Variants in CTNNBL1 observed in about 807,000 individuals in gnomAD.
The protein encoded by CTNNBL1 is beta-catenin-like protein 1.
A neutral mutation model predicts 72.7 loss-of-function variants in CTNNBL1; 31 were observed. The ratio of observed to expected loss-of-function variants is 0.43; its 90% confidence interval spans 0.32 to 0.58. The LOEUF (loss-of-function observed/expected upper bound fraction) is 0.58, where lower values mean the gene tolerates loss of function less well. Among genes scored for constraint, CTNNBL1 ranks in the 20% least tolerant of loss-of-function variants. The pLI is 0.08. For missense variants in CTNNBL1, 534 were observed against 725.1 expected, an observed-to-expected ratio of 0.74 and a Z score of 3.03; for synonymous variants, 240 against 267.3, an observed-to-expected ratio of 0.90 and a Z score of 1.00.
intron 11 of CTNNBL1, chr20:37,832,438 ATT>A (rs2072217383): frequency 6.6e-6 from 1 of 152,198 alleles, no homozygotes; most frequent in African/African-American, 2.4e-5. Flanking sequence ...CACATACCTC[ATT>A]TGAAAGAATG....
chr20:37,812,334 G>A (rs1017945346), intron 11 of CTNNBL1, among the ~76,000 whole-genome samples: 1 of 152,136 alleles, frequency 6.6e-6, no homozygotes, highest in African/African-American at 2.4e-5. Flanking sequence ...TTTACATATA[G>A]GATATAAACC....
chr20:37,820,210 A>T (rs2072094015), intron 11 of CTNNBL1, among the ~76,000 whole-genome samples: 1 of 152,036 alleles, frequency 6.6e-6, no homozygotes, highest in Non-Finnish European at 1.5e-5. Flanking sequence ...TTCTGTGTTG[A>T]TACTGGTTTC....
intron 6 of CTNNBL1, among the ~76,000 whole-genome samples, chr20:37,767,095 C>T (rs1310604429): frequency 1.3e-5 from 2 of 151,988 alleles, no homozygotes; most frequent in Non-Finnish European, 2.9e-5. Context: ...GTGATTTCTT[C>T]AGCCCTTTCT....
At position 37,733,053 on chromosome 20, in the gene CTNNBL1, G is replaced by C. The variant is rs748650840; in HGVS notation, c.205G>C (p.Glu69Gln). 4 of 1,612,440 alleles carry C rather than the reference G, an allele frequency of 2.5e-6. No individual in the cohort carries two copies. Among genetic ancestry groups the C allele is most frequent in the Non-Finnish European group, 3.4e-6 (4 of 1,179,490 alleles). The change falls in exon 2 of 16, where the codon GAG becomes CAG. Residue 69 changes from glutamate (E) to glutamine (Q), a missense_variant. Physicochemically the swap from Glu to Gln is conservative, Grantham distance 29 (BLOSUM62 2). Transcript: ENST00000361383. ...GCAGATTATTGACAGAGATGGGGAA[G>C]AGGAAGAGGAAGAGGTAACGTGGCA... is the stretch of plus-strand genomic sequence containing the variant. ...LLQIIDRDGE[E>Q]EEEEEEPLDE...
intron 11 of CTNNBL1, among the ~76,000 whole-genome samples, chr20:37,830,645 G>T (rs1159007155): frequency 6.6e-6 from 1 of 152,040 alleles, no homozygotes; most frequent in Non-Finnish European, 1.5e-5. Flanking sequence ...AACGTACCAT[G>T]GGGTTATGTC....
intron 11 of CTNNBL1, among the ~76,000 whole-genome samples, chr20:37,833,005 A>G (rs1031574924): frequency 6.6e-6 from 1 of 152,140 alleles, no homozygotes; most frequent in East Asian, 1.9e-4. Flanking sequence ...AAAATGTTAC[A>G]TTTGTGTATG....
intron 11 of CTNNBL1, 112 bp from the exon 12 acceptor site, chr20:37,839,990 C>A: frequency 1.5e-6 from 1 of 678,600 alleles, no homozygotes; most frequent in Non-Finnish European, 2.6e-6. Context: ...TCAATAGCAG[C>A]AGTCAGAAAG....
intron 13 of CTNNBL1, among the ~76,000 whole-genome samples, chr20:37,850,980 C>T (rs1056618330): frequency 2.8e-4 from 42 of 152,152 alleles, no homozygotes; most frequent in Admixed American, 3.9e-4. Context: ...GGAGGGCTTG[C>T]GACTTGACTG....
chr20:37,835,474 C>T (rs929479129), intron 11 of CTNNBL1, among the ~76,000 whole-genome samples: 16 of 152,146 alleles, frequency 1.1e-4, no homozygotes, highest in African/African-American at 3.6e-4. Context: ...GTCACAATTA[C>T]TAAGTTGGAT....
chr20:37,778,832 A>G (rs189114301), intron 9 of CTNNBL1, among the ~76,000 whole-genome samples: 1 of 152,140 alleles, frequency 6.6e-6, no homozygotes, highest in East Asian at 1.9e-4. Flanking sequence ...TGTTCACTTC[A>G]TTTAGTTTTA....
At chr20:37,759,960 G>A (rs1210213465) in intron 5 of CTNNBL1, among the ~76,000 whole-genome samples, 3 of 152,202 alleles carry the variant, frequency 2.0e-5, no homozygotes, top group Non-Finnish European at 4.4e-5. Flanking sequence ...AATTTATTGT[G>A]GTGTGCAGTT....
chr20:37,704,762 C>A (rs1012227359), intron 1 of CTNNBL1, among the ~76,000 whole-genome samples: 1 of 151,774 alleles, frequency 6.6e-6, no homozygotes, highest in African/African-American at 2.4e-5. Flanking sequence ...GGTGGTCTTA[C>A]TTTTATCATT....
intron 11 of CTNNBL1, among the ~76,000 whole-genome samples, chr20:37,820,715 T>A (rs1011855456): frequency 1.3e-5 from 2 of 152,092 alleles, no homozygotes; most frequent in Non-Finnish European, 2.9e-5. Context: ...TTGCTTCCCC[T>A]TCACCTCCTG....
intron 2 of CTNNBL1, among the ~76,000 whole-genome samples, chr20:37,734,934 T>C (rs1871044185): frequency 6.6e-6 from 1 of 152,196 alleles, no homozygotes; most frequent in African/African-American, 2.4e-5. Context: ...TTAACACTAA[T>C]GTGGTTTTTC....
rs143814128 is a variant in CTNNBL1 at position 37,863,102 on chromosome 20, C to G, written c.1603+2758C>G. ...CAGACATTGTGGAATGAAACCCTACCCTTGTATGAATTTAACGTAGCAAAC... is the reference window on the plus strand; with the variant it reads ...CAGACATTGTGGAATGAAACCCTACGCTTGTATGAATTTAACGTAGCAAAC... On this transcript the variant is annotated intron_variant, in intron 15 of 15. Transcript: ENST00000361383. 1.8e-3 allele frequency among the ~76,000 whole-genome samples: 269 copies of G among 152,280 alleles called. 2 individuals carry two copies. The highest frequency in any genetic ancestry group is 6.2e-3 in the African/African-American group (257 of 41,564).
chr20:37,762,157 A>G (rs2073423088), intron 5 of CTNNBL1, among the ~76,000 whole-genome samples: 1 of 152,242 alleles, frequency 6.6e-6, no homozygotes, highest in South Asian at 2.1e-4. Context: ...GGTTACAGCT[A>G]GGATACAACA....
At chr20:37,779,450 C>A in intron 10 of CTNNBL1, 115 bp downstream of exon 10, 2 of 1,224,420 alleles carry the variant, frequency 1.6e-6, no homozygotes, top group East Asian at 2.3e-5. Flanking sequence ...CTAGACTTTA[C>A]CCTGAAGAGT....
intron 7 of CTNNBL1, 34 bp from the exon 8 acceptor site, chr20:37,777,311 T>G: frequency 1.3e-6 from 2 of 1,567,204 alleles, no homozygotes; most frequent in Non-Finnish European, 1.8e-6. Flanking sequence ...CAAGACCCCT[T>G]AACATTTTTC....
intron 3 of CTNNBL1, among the ~76,000 whole-genome samples, chr20:37,742,951 G>C (rs539116863): frequency 6.6e-6 from 1 of 152,082 alleles, no homozygotes; most frequent in East Asian, 1.9e-4. Flanking sequence ...TTACAAGTGT[G>C]CGCCACCACA....
Sources: gnomAD v4.1 joint callset for allele counts (sites outside exome capture counted in the v4.1 genomes callset) on GRCh38, gnomAD v4.1.1 for gene constraint, MANE v1.5 for transcripts, NCBI Gene and HGNC (gene_info 2026-07-23, HGNC 2026-07-21) for gene names.